The following EHMT1 variants were observed in gnomAD, a reference collection of about 807,000 sequenced individuals.
The protein encoded by EHMT1 is histone-lysine N-methyltransferase EHMT1.
A neutral mutation model predicts 147.2 loss-of-function variants in EHMT1; 15 were observed. The observed-to-expected ratio is 0.10, with a 90% confidence interval of 0.07 to 0.16. EHMT1 has a LOEUF of 0.16. Ranked by LOEUF, EHMT1 falls within the 10% of genes least tolerant of loss-of-function variation. The pLI is 1.00. For synonymous variants in EHMT1, 795 were observed against 709.6 expected (o/e 1.12, Z -1.91); for missense variants, 1,587 against 1,772.4 (o/e 0.90, Z 1.88).
At chr9:137,677,291 T>A (rs981552564) in intron 1 of EHMT1, among the ~76,000 whole-genome samples, 1 of 151,950 alleles carries the variant, frequency 6.6e-6, no homozygotes, top group African/African-American at 2.4e-5. Flanking sequence ...TGGCACCATG[T>A]CTGGCTAACT....
chr9:137,811,028 C>T (rs564537139), intron 18 of EHMT1, among the ~76,000 whole-genome samples: 19 of 152,004 alleles, frequency 1.2e-4, no homozygotes, highest in Non-Finnish European at 2.6e-4. Flanking sequence ...CAAATTTGCA[C>T]GTCCTTTTTT....
intron 9 of EHMT1, 25 bp downstream of exon 9, chr9:137,758,036 C>A: frequency 1.2e-6 from 2 of 1,613,894 alleles, no homozygotes; most frequent in Non-Finnish European, 1.7e-6. Flanking sequence ...GTAACTTAGA[C>A]CGGGCACCAT....
At chr9:137,726,265 C>T (rs958043602) in intron 3 of EHMT1, among the ~76,000 whole-genome samples, 3 of 152,240 alleles carry the variant, frequency 2.0e-5, no homozygotes, top group Non-Finnish European at 4.4e-5. Flanking sequence ...CTCCTTTAAA[C>T]ACTGACTTCC....
chr9:137,817,915 C>T, intron 24 of EHMT1, 145 bp from the exon 25 acceptor site: 1 of 811,880 alleles, frequency 1.2e-6, no homozygotes. Flanking sequence ...CAGTTCAACC[C>T]TGGGCACACC....
chr9:137,757,089 T>C (rs539712155), intron 8 of EHMT1, among the ~76,000 whole-genome samples: 1 of 152,388 alleles, frequency 6.6e-6, no homozygotes, highest in East Asian at 1.9e-4. Flanking sequence ...CACACTTTCA[T>C]AGGCCTCCTC....
intron 15 of EHMT1, among the ~76,000 whole-genome samples, chr9:137,790,363 G>A (rs1040470529): frequency 3.3e-5 from 5 of 152,258 alleles, no homozygotes; most frequent in South Asian, 2.1e-4. Context: ...AAGTTTCTCC[G>A]TTTGTTTGGA....
intron 1 of EHMT1, among the ~76,000 whole-genome samples, chr9:137,673,638 C>T (rs371967147): frequency 4.0e-4 from 61 of 152,312 alleles, no homozygotes; most frequent in African/African-American, 1.3e-3. Context: ...GGCGAAACTG[C>T]GCTGCTGCCC....
At chr9:137,645,056 A>G (rs1844786524) in intron 1 of EHMT1, among the ~76,000 whole-genome samples, 1 of 152,088 alleles carries the variant, frequency 6.6e-6, no homozygotes, top group Admixed American at 6.5e-5. Flanking sequence ...TATTTTTAGT[A>G]GAGACGGGGT....
chr9:137,810,681 C>A (rs528321269), intron 18 of EHMT1, among the ~76,000 whole-genome samples: 2 of 151,848 alleles, frequency 1.3e-5, no homozygotes, highest in African/African-American at 2.4e-5. Flanking sequence ...TTAAAAGAGG[C>A]CTTTTTTAAA....
At chr9:137,702,076 G>A (rs943458047) in intron 1 of EHMT1, among the ~76,000 whole-genome samples, 1 of 151,998 alleles carries the variant, frequency 6.6e-6, no homozygotes, top group Admixed American at 6.6e-5. Context: ...TTACAGATGT[G>A]AGCCACTGCG....
intron 18 of EHMT1, chr9:137,803,219 T>A: frequency 8.7e-7 from 1 of 1,151,462 alleles, no homozygotes; most frequent in Non-Finnish European, 1.1e-6. Context: ...TTCATTAATT[T>A]AACCACTTTA....
intron 1 of EHMT1, among the ~76,000 whole-genome samples, chr9:137,709,996 C>G (rs1944558009): frequency 6.6e-6 from 1 of 152,096 alleles, no homozygotes; most frequent in African/African-American, 2.4e-5. Flanking sequence ...TCTTCCCCGG[C>G]CCCCAGCTGT....
intron 1 of EHMT1, among the ~76,000 whole-genome samples, chr9:137,694,783 C>G (rs2134999380): frequency 6.6e-6 from 1 of 152,332 alleles, no homozygotes; most frequent in African/African-American, 2.4e-5. Flanking sequence ...TCGGGGTGCC[C>G]TTGACCCGGC....
chr9:137,675,802 T>TTTTTTTTTTTTTTTTTTTTTTTG (rs35541714), intron 1 of EHMT1, among the ~76,000 whole-genome samples: 2 of 104,720 alleles, frequency 1.9e-5, no homozygotes, highest in Admixed American at 1.1e-4. Context: ...TTTTTTTTTT[T>TTTTTTTTTTTTTTTTTTTTTTTG]AGACGGAGTC....
chr9:137,761,567 C>G (rs887455957), intron 9 of EHMT1, among the ~76,000 whole-genome samples: 3 of 152,172 alleles, frequency 2.0e-5, no homozygotes. Flanking sequence ...GATTCTCCTG[C>G]CTCAGCCTCC....
chr9:137,825,926 A>C (rs1302371344), intron 25 of EHMT1, among the ~76,000 whole-genome samples: 1 of 152,202 alleles, frequency 6.6e-6, no homozygotes, highest in Non-Finnish European at 1.5e-5. Context: ...TGCTTTTATC[A>C]GAATAACAAA....
chr9:137,803,759 G>A (rs1469336298), intron 18 of EHMT1, among the ~76,000 whole-genome samples: 1 of 151,680 alleles, frequency 6.6e-6, no homozygotes, highest in Non-Finnish European at 1.5e-5. Flanking sequence ...GCTAAGGTGG[G>A]AAGATCGCTT....
intron 8 of EHMT1, among the ~76,000 whole-genome samples, chr9:137,757,173 G>T (rs1358207397): frequency 6.6e-6 from 1 of 152,192 alleles, no homozygotes; most frequent in Non-Finnish European, 1.5e-5. Flanking sequence ...GTGTGGACAG[G>T]CTGGCCTGGC....
chr9:137,830,148 C>T (rs1956092048), intron 25 of EHMT1, among the ~76,000 whole-genome samples: 1 of 151,280 alleles, frequency 6.6e-6, no homozygotes, highest in African/African-American at 2.4e-5. Flanking sequence ...TCAGTTATAG[C>T]CATTCTTATT....
Sources: gnomAD v4.1 joint callset for allele counts (sites outside exome capture counted in the v4.1 genomes callset) on GRCh38, gnomAD v4.1.1 for gene constraint, MANE v1.5 for transcripts, NCBI Gene and HGNC (gene_info 2026-07-23, HGNC 2026-07-21) for gene names.